LIPF: variants seen among roughly 807,000 people sequenced by gnomAD.
LIPF encodes the protein lipase F, gastric type.
In LIPF, 25 loss-of-function variants were observed where a neutral mutation model predicts 38.0. That is an observed-to-expected ratio of 0.66 (90% CI 0.48 to 0.92). The LOEUF (loss-of-function observed/expected upper bound fraction) is 0.92, where lower values mean the gene tolerates loss of function less well. Among genes scored for constraint, LIPF ranks in the 40% least tolerant of loss-of-function variants. The probability of loss-of-function intolerance (pLI) is 0.00; values close to 1 mark genes in which losing one functional copy is unlikely to be tolerated. For missense variants in LIPF, 410 were observed against 469.9 expected (o/e 0.87, Z 1.18); for synonymous variants, 161 against 156.2 (o/e 1.03, Z -0.23).
chr10:88,677,829 C>T (rs1405407968), intron 9 of LIPF, among the ~76,000 whole-genome samples: 2 of 152,140 alleles, frequency 1.3e-5, no homozygotes, highest in Non-Finnish European at 2.9e-5. Context: ...AGAAACAGGA[C>T]ATGGGGATGA....
At chr10:88,666,706 A>C (rs17333754) in intron 1 of LIPF, among the ~76,000 whole-genome samples, 2 of 152,140 alleles carry the variant, frequency 1.3e-5, no homozygotes, top group South Asian at 2.1e-4. Flanking sequence ...AAAAGAAAAA[A>C]AATTAGCCAG....
At chr10:88,667,848 G>A (rs540870214) in intron 3 of LIPF, among the ~76,000 whole-genome samples, 162 bp downstream of exon 3, 154 of 151,394 alleles carry the variant, frequency 1.0e-3, no homozygotes, top group African/African-American at 3.6e-3. Flanking sequence ...GCTCATTCTG[G>A]AAATGCAAAA....
At chr10:88,666,131 G>A (rs1299036797) in intron 1 of LIPF, among the ~76,000 whole-genome samples, 1 of 152,184 alleles carries the variant, frequency 6.6e-6, no homozygotes. Flanking sequence ...GGCCTTGAGA[G>A]TTCTGGTCTG....
At chr10:88,669,784 A>G (rs1368653757) in intron 4 of LIPF, 53 bp from the exon 5 acceptor site, 6 of 1,274,350 alleles carry the variant, frequency 4.7e-6, no homozygotes, top group Non-Finnish European at 6.8e-6. Context: ...CTTGAATTTT[A>G]GAAACAATAG....
intron 5 of LIPF, among the ~76,000 whole-genome samples, chr10:88,671,460 GTTAA>G (rs1053706456): frequency 1.3e-5 from 2 of 152,004 alleles, no homozygotes; most frequent in African/African-American, 2.4e-5. Context: ...CATATTAAGT[GTTAA>G]TTAATTATCT....
chr10:88,674,358 C>T (rs906002828), intron 7 of LIPF, among the ~76,000 whole-genome samples: 1 of 151,994 alleles, frequency 6.6e-6, no homozygotes, highest in Non-Finnish European at 1.5e-5. Context: ...TTAGTACAGT[C>T]GGGGTTTCAT....
At chr10:88,673,244 C>G (rs886178194) in intron 6 of LIPF, among the ~76,000 whole-genome samples, 12 of 152,192 alleles carry the variant, frequency 7.9e-5, no homozygotes, top group Non-Finnish European at 1.8e-4. Flanking sequence ...AATCTCACAT[C>G]TTGGCACTTC....
intron 1 of LIPF, chr10:88,665,462 T>G (rs868458963): frequency 2.8e-6 from 3 of 1,070,236 alleles, no homozygotes; most frequent in Middle Eastern, 3.9e-4. Context: ...ATGTGTTAAT[T>G]ACTGGTATTT....
At chr10:88,668,914 A>C in intron 4 of LIPF, 158 bp downstream of exon 4, 4 of 632,144 alleles carry the variant, frequency 6.3e-6, no homozygotes, top group Non-Finnish European at 8.1e-6. Context: ...CATGTACCTC[A>C]TTCCTAGGGT....
chr10:88,676,257 C>T lies in LIPF; in HGVS notation c.937C>T (p.Gln313Ter). Residue 313 changes from glutamine (Q) to a stop codon, truncating the protein, a stop_gained, in exon 9 of 10, where the codon CAG (glutamine) becomes TAG (stop). Transcript: ENST00000238983. LOFTEE classifies it low-confidence loss of function (END_TRUNC). ...AGCTTATGACTGGGGAAGCCCAGTTCAGAATAGGATGCACTATGATCAGGT... is the reference window on the plus strand; with the variant it reads ...AGCTTATGACTGGGGAAGCCCAGTTTAGAATAGGATGCACTATGATCAGGT... Reference protein sequence around the residue: ...FQAYDWGSPVQNRMHYDQSQP... With the variant: ...FQAYDWGSPV 6.2e-7 allele frequency: 1 copy of T among 1,607,324 alleles called. No homozygotes were observed.
chr10:88,673,718 G>A lies in LIPF; in HGVS notation c.800G>A (p.Ser267Asn). Residue 267 changes from serine (S) to asparagine (N), a missense_variant, in exon 7 of 10, where the codon AGT (serine) becomes AAT (asparagine). By Grantham distance (46) the Ser-to-Asn change is conservative. Transcript: ENST00000238983. ...NALFIICGFD[S>N]KNFNTSRLDV... ...TTATTTATAATTTGTGGATTTGACA[G>A]TAAGAACTTTAACACGGTTAGTATG... 1 of 1,612,588 alleles carries A rather than the reference G, an allele frequency of 6.2e-7. No homozygotes were observed. Among genetic ancestry groups the A allele is most frequent in the Non-Finnish European group, 8.5e-7 (1 of 1,179,188 alleles).
chr10:88,676,866 T>G (rs1165921963), intron 9 of LIPF, among the ~76,000 whole-genome samples: 1 of 152,218 alleles, frequency 6.6e-6, no homozygotes, highest in Non-Finnish European at 1.5e-5. Context: ...GCAGTCAATA[T>G]GAGTTTGGGC....
At chr10:88,669,677 G>T in intron 4 of LIPF, 160 bp from the exon 5 acceptor site, 1 of 516,144 alleles carries the variant, frequency 1.9e-6, no homozygotes, top group Non-Finnish European at 3.5e-6. Context: ...ATAAGAAGCT[G>T]CCCCAAAGGG....
In LIPF at chr10:88,668,583, G is replaced by A. The variant is rs564643012; in HGVS notation, c.249G>A (p.Gln83=). 5 of 1,614,126 alleles carry A rather than the reference G, an allele frequency of 3.1e-6. No homozygotes were observed. Among genetic ancestry groups the A allele is most frequent in the South Asian group, 1.1e-5 (1 of 91,082 alleles). The change falls in exon 4 of 10, where the codon CAG becomes CAA. Residue 83 remains glutamine, a synonymous_variant. Coordinates refer to ENST00000238983, the MANE Select transcript of LIPF (RefSeq NM_004190.4). The part of the protein sequence containing the change: ...NTGQRPVVFL[Q]HGLLASATNW... ...GCCAGAGACCTGTTGTGTTTTTGCAGCATGGTTTGCTTGCATCAGCCACAA... is the reference window on the plus strand; with the variant it reads ...GCCAGAGACCTGTTGTGTTTTTGCAACATGGTTTGCTTGCATCAGCCACAA...
chr10:88,676,140 A>G, intron 8 of LIPF, 69 bp from the exon 9 acceptor site: 1 of 909,952 alleles, frequency 1.1e-6, no homozygotes, highest in Non-Finnish European at 1.7e-6. Flanking sequence ...AACTGCTTGG[A>G]AATGTTTGAA....
In LIPF at chr10:88,678,446, C is replaced by G. The variant is rs775189464; in HGVS notation, c.962C>G (p.Ser321Cys). The change falls in exon 10 of 10, where the codon TCC becomes TGC. Residue 321 changes from serine to cysteine, a missense_variant and splice_region_variant. Transcript: ENST00000238983. ...GGTTCTTTCTCTTGTGTTTTCTAGT[C>G]CCAACCTCCCTACTACAATGTGACA... ...PVQNRMHYDQSQPPYYNVTAM... is the reference protein window; with the variant it reads ...PVQNRMHYDQCQPPYYNVTAM... 2 of 1,611,728 alleles carry G rather than the reference C, an allele frequency of 1.2e-6. No homozygotes were observed. Among genetic ancestry groups the G allele is most frequent in the Admixed American group, 3.3e-5 (2 of 60,018 alleles).
intron 9 of LIPF, among the ~76,000 whole-genome samples, chr10:88,678,045 A>G (rs568923190): frequency 6.6e-6 from 1 of 152,318 alleles, no homozygotes; most frequent in East Asian, 1.9e-4. Flanking sequence ...ATTAGAATCT[A>G]ATCAAATCCA....
intron 9 of LIPF, among the ~76,000 whole-genome samples, chr10:88,677,510 G>A (rs7913071): frequency 0.53 from 79,843 of 152,004 alleles, 22,543 homozygotes; most frequent in African/African-American, 0.74. Flanking sequence ...AGTAAAATAA[G>A]CTGGGTTTAT....
chr10:88,672,670 ACTCTCTCTCT>A (rs60719768), intron 6 of LIPF, among the ~76,000 whole-genome samples: 2 of 110,500 alleles, frequency 1.8e-5, no homozygotes, highest in African/African-American at 3.4e-5. Flanking sequence ...ACACACACAC[ACTCTCTCTCT>A]CTCTCTCTCT....
Sources: gnomAD v4.1 joint callset for allele counts (sites outside exome capture counted in the v4.1 genomes callset) on GRCh38, gnomAD v4.1.1 for gene constraint, MANE v1.5 for transcripts, NCBI Gene and HGNC (gene_info 2026-07-23, HGNC 2026-07-21) for gene names.